DMRT2: variants seen among roughly 807,000 people sequenced by gnomAD.
DMRT2 encodes the protein doublesex and mab-3 related transcription factor 2, also known as doublesex- and mab-3-related transcription factor 2.
Under a neutral mutation model 43.5 loss-of-function variants are expected in DMRT2, and 33 were observed. The ratio of observed to expected loss-of-function variants is 0.76; its 90% CI spans 0.58 to 1.01. The LOEUF (loss-of-function observed/expected upper bound fraction) is 1.01, where lower values mean the gene tolerates loss of function less well. Ranked by LOEUF, DMRT2 falls within the 50% of genes least tolerant of loss-of-function variation. The pLI is 0.00. For missense variants in DMRT2, 1,064 were observed against 748.0 expected (o/e 1.42, Z -4.93); for synonymous variants, 395 against 309.2 (o/e 1.28, Z -2.91).
In DMRT2 at chr9:1,056,849, A is replaced by C; in HGVS notation, c.1262A>C (p.Gln421Pro). The change falls in exon 4 of 4, where the codon CAG becomes CCG. Residue 421 changes from glutamine (Q) to proline (P), a missense_variant. Physicochemically the swap from Gln to Pro is moderately conservative, Grantham distance 76 (BLOSUM62 -1). Transcript: ENST00000358146. ...ACGAGAAGTGACCTTCAGGGTCATCAGGCTGTCCCAGAGAGGTCCGCGTTC... is the reference window on the plus strand; with the variant it reads ...ACGAGAAGTGACCTTCAGGGTCATCCGGCTGTCCCAGAGAGGTCCGCGTTC... ...QTTRSDLQGH[Q>P]AVPERSAFSP... The C allele has an allele frequency of 6.2e-7, 1 of 1,614,172 alleles. No homozygotes were observed. Among genetic ancestry groups the C allele is most frequent in the Middle Eastern group, 1.6e-4 (1 of 6,062 alleles).
In DMRT2 at chr9:1,051,278, A is replaced by G. The variant is rs536275722; in HGVS notation, c.-44-292A>G. ...TTTGTGTGTGTGTGATAAGTGAGTT[A>G]CCCAGGGACTTGTCCGGAAAGCCCG... On this transcript the variant is annotated intron_variant, in intron 1 of 3. Coordinates refer to ENST00000358146, the MANE Select transcript of DMRT2 (RefSeq NM_181872.6). The surrounding 1 kb of genome is among the most constrained non-coding windows in gnomAD (Gnocchi z 5.9). Among the ~76,000 whole-genome samples the G allele has an allele frequency of 2.0e-5, 3 of 152,294 alleles. No homozygotes were observed. Among genetic ancestry groups the G allele is most frequent in the African/African-American group, 4.8e-5 (2 of 41,560 alleles).
At chr9:1,052,233 G>T (rs1390196721) in intron 2 of DMRT2, 95 bp downstream of exon 2, 9 of 977,748 alleles carry the variant, frequency 9.2e-6, no homozygotes, top group Admixed American at 4.3e-5. Context: ...CGCGCCCAGG[G>T]CCTTGCGGTG....
In DMRT2 at chr9:1,051,893, G is replaced by T; in HGVS notation, c.280G>T (p.Ala94Ser). 1 of 1,369,586 alleles carries T rather than the reference G, an allele frequency of 7.3e-7. No individual in the cohort carries two copies. Among genetic ancestry groups the T allele is most frequent in the Non-Finnish European group, 9.3e-7 (1 of 1,072,504 alleles). 84.8% of individuals were successfully genotyped at this position (1,369,586 alleles called of 1,614,324 possible). The change falls in exon 2 of 4, where the codon GCC becomes TCC. Residue 94 changes from alanine to serine, a missense_variant. By Grantham distance (99) the Ala-to-Ser change is moderately conservative. Coordinates refer to ENST00000358146, the MANE Select transcript of DMRT2 (RefSeq NM_181872.6). This position sits in a 1 kb window ranked among gnomAD's most constrained non-coding sequence, Gnocchi z 5.9. ...GCCGAGGCCGCCGCTCGCGCCTCAG[G>T]CCTCACCCGCCGGCACCGGTCCCCG... ...PQPRPPLAPQ[A>S]SPAGTGPRER... is the part of the protein sequence containing the mutation.
intron 2 of DMRT2, 55 bp from the exon 3 acceptor site, chr9:1,053,666 CT>C: frequency 6.8e-7 from 1 of 1,471,292 alleles, no homozygotes; most frequent in African/African-American, 1.4e-5. Flanking sequence ...GTCCTTCCCC[CT>C]TCTCGCCCCC....
chr9:1,054,193 T>A (rs925119778), intron 3 of DMRT2, among the ~76,000 whole-genome samples: 2 of 152,222 alleles, frequency 1.3e-5, no homozygotes, highest in Admixed American at 1.3e-4. Flanking sequence ...ATGAGGGATG[T>A]ACAAAGATAT....
Position 1,056,881 on chromosome 9 carries a change from C to T in DMRT2, c.1294C>T (p.Pro432Ser). ...CCCAGAGAGGTCCGCGTTCTCCCCA[C>T]CCCGACGGAATTTCTCTCCCATTGT... ...AVPERSAFSPPRRNFSPIVDT... is the reference protein window; with the variant it reads ...AVPERSAFSPSRRNFSPIVDT... The change falls in exon 4 of 4, where the codon CCC (proline) becomes TCC (serine). Residue 432 changes from proline (P) to serine (S), a missense_variant. Coordinates refer to ENST00000358146, the MANE Select transcript of DMRT2 (RefSeq NM_181872.6). 6.2e-7 allele frequency: 1 copy of T among 1,614,168 alleles called. No individual in the cohort carries two copies. The highest frequency in any genetic ancestry group is 1.3e-5 in the African/African-American group (1 of 75,038).
rs149054600 is a variant in DMRT2, at chr9:1,056,825, C to T, written c.1238C>T (p.Thr413Met). The change falls in exon 4 of 4, where the codon ACG becomes ATG. Residue 413 changes from threonine (T) to methionine (M), a missense_variant. Thr to Met is a moderately conservative substitution (Grantham distance 81). Transcript: ENST00000358146. The stretch of plus-strand genomic sequence containing the variant: ...CCTCACACTCCTGAGATCCAGACCA[C>T]GAGAAGTGACCTTCAGGGTCATCAG... ...VLPHTPEIQT[T>M]RSDLQGHQAV... 2,581 of 1,614,122 alleles carry T rather than the reference C, an allele frequency of 1.6e-3. 2 individuals carry two copies. Among genetic ancestry groups the T allele is most frequent in the Non-Finnish European group, 2.0e-3 (2,376 of 1,180,036 alleles).
chr9:1,056,785 G>T lies in DMRT2; in HGVS notation c.1198G>T (p.Gly400Cys). Reference protein sequence around the residue: ...EQDMMPSKLEGSLVLPHTPEI... With the variant: ...EQDMMPSKLECSLVLPHTPEI... ...GGACATGATGCCATCGAAATTGGAAGGTTCCCTGGTGCTGCCTCACACTCC... is the reference window on the plus strand; with the variant it reads ...GGACATGATGCCATCGAAATTGGAATGTTCCCTGGTGCTGCCTCACACTCC... The change falls in exon 4 of 4, where the codon GGT becomes TGT. Residue 400 changes from glycine to cysteine, a missense_variant. Coordinates refer to ENST00000358146, the MANE Select transcript of DMRT2 (RefSeq NM_181872.6). 1 of 1,614,120 alleles carries T rather than the reference G, an allele frequency of 6.2e-7. No individual in the cohort carries two copies. Among genetic ancestry groups the T allele is most frequent in the Non-Finnish European group, 8.5e-7 (1 of 1,180,026 alleles).
rs889566442 is a variant in DMRT2 at position 1,050,440 on chromosome 9, C to G, written c.-380C>G. The G allele has an allele frequency of 1.3e-5, 2 of 152,216 alleles. No individual in the cohort carries two copies. The highest frequency in any genetic ancestry group is 2.9e-5 in the Non-Finnish European group (2 of 68,040). The allele number at this position is 152,216 out of a possible 1,614,324, so 9.4% of individuals were successfully genotyped here. ...CAGGCGGGGGCGGCCCGACCTTTCC[C>G]GCCCAGCCTGGGTCAGAGGAAGCCG... On this transcript the variant is annotated 5_prime_UTR_variant, in exon 1 of 4. Transcript: ENST00000358146.
chr9:1,055,577 C>T, intron 3 of DMRT2: 1 of 656,372 alleles, frequency 1.5e-6, no homozygotes, highest in Non-Finnish European at 2.2e-6. Context: ...GGGGAAGGGG[C>T]CTGGTTAAAT....
At position 1,051,592 on chromosome 9, in the gene DMRT2, C is replaced by A. The variant is rs944124937; in HGVS notation, c.-22C>A. 3 of 1,514,782 alleles carry A rather than the reference C, an allele frequency of 2.0e-6. No homozygotes were observed. The highest frequency in any genetic ancestry group is 2.6e-6 in the Non-Finnish European group (3 of 1,141,450). 93.8% of individuals were successfully genotyped at this position (1,514,782 alleles called of 1,614,324 possible). ...CAGAGTGAGGGCCGCCAGGCTCAGG[C>A]CCCAGCGAAGCCCCGAGCGCCATGG... is the stretch of plus-strand genomic sequence containing the variant. On this transcript the variant is annotated 5_prime_UTR_variant, in exon 2 of 4. Transcript: ENST00000358146. The surrounding 1 kb of genome is among the most constrained non-coding windows in gnomAD (Gnocchi z 5.9).
rs775882642 is a variant in DMRT2 at position 1,051,791 on chromosome 9, G to T, written c.178G>T (p.Glu60Ter). Residue 60 changes from glutamate to a stop codon, truncating the protein, a stop_gained, in exon 2 of 4, where the codon GAA (glutamate) becomes TAA (stop). Coordinates refer to ENST00000358146, the MANE Select transcript of DMRT2 (RefSeq NM_181872.6). LOFTEE classifies it high-confidence loss of function. This position sits in a 1 kb window ranked among gnomAD's most constrained non-coding sequence, Gnocchi z 5.9. ...TGACGACGGGGTGGACGAAGACGCG[G>T]AAGAAGAGGGCGACGGCGAGGAGGC... is the stretch of plus-strand genomic sequence containing the variant. ...EDDDGVDEDA[E>*]EEGDGEEAGA... is the part of the protein sequence containing the mutation. 1.3e-6 allele frequency: 2 copies of T among 1,509,042 alleles called. No homozygotes were observed. The highest frequency in any genetic ancestry group is 1.8e-6 in the Non-Finnish European group (2 of 1,132,036). 93.5% of individuals were successfully genotyped at this position (1,509,042 alleles called of 1,614,324 possible).
rs1232421652 is a variant in DMRT2 at position 1,051,762 on chromosome 9, A to C, written c.149A>C (p.Glu50Ala). ...PPADGDCEDD[E>A]DDDGVDEDAE... ...GCGGACGGGGACTGCGAGGACGACG[A>C]AGATGACGACGGGGTGGACGAAGAC... The change falls in exon 2 of 4, where the codon GAA (glutamate) becomes GCA (alanine). Residue 50 changes from glutamate to alanine, a missense_variant. By Grantham distance (107) the Glu-to-Ala change is moderately radical. Transcript: ENST00000358146. The surrounding 1 kb of genome is among the most constrained non-coding windows in gnomAD (Gnocchi z 5.9). 2 of 1,526,956 alleles carry C rather than the reference A, an allele frequency of 1.3e-6. No homozygotes were observed. Among genetic ancestry groups the C allele is most frequent in the Non-Finnish European group, 1.8e-6 (2 of 1,139,834 alleles). The allele number at this position is 1,526,956 out of a possible 1,614,324, so 94.6% of individuals were successfully genotyped here. A position where few individuals can be genotyped will look rare whatever the true frequency, so the allele number is the denominator to read the frequency against.
chr9:1,051,154 CTG>C lies in DMRT2; in HGVS notation c.-45+381_-45+382del, dbSNP rs1314633853. Among the ~76,000 whole-genome samples the C allele has an allele frequency of 1.3e-5, 2 of 152,142 alleles. No individual in the cohort carries two copies. The highest frequency in any genetic ancestry group is 6.5e-5 in the Admixed American group (1 of 15,282). The stretch of plus-strand genomic sequence containing the variant: ...AGGGCCACTTGTAATCAAAGGAAAA[CTG>C]TTCTTCCACGGATAGTTTTATATGC... On this transcript the variant is annotated intron_variant, in intron 1 of 3. Coordinates refer to ENST00000358146, the MANE Select transcript of DMRT2 (RefSeq NM_181872.6). The surrounding 1 kb of genome is among the most constrained non-coding windows in gnomAD (Gnocchi z 5.9).
At chr9:1,054,884 T>C (rs1281734800) in intron 3 of DMRT2, among the ~76,000 whole-genome samples, 2 of 151,932 alleles carry the variant, frequency 1.3e-5, no homozygotes, top group Non-Finnish European at 2.9e-5. Context: ...GTGTGTCCTA[T>C]AAAAATTTTT....
intron 2 of DMRT2, among the ~76,000 whole-genome samples, chr9:1,052,808 G>T (rs914399883): frequency 6.6e-6 from 1 of 152,152 alleles, no homozygotes; most frequent in South Asian, 2.1e-4. Context: ...TTGAACCTTC[G>T]ATTTTGTATT....
Position 1,050,646 on chromosome 9 carries a change from C to G in DMRT2, c.-174C>G, listed in dbSNP as rs936159923. The stretch of plus-strand genomic sequence containing the variant: ...GGGTTCGTTCCGGGCCTCCAGCTAT[C>G]AGCTCCCGATCTCGTGTTTGAGGGT... On this transcript the variant is annotated 5_prime_UTR_variant, in exon 1 of 4. It adds an upstream start codon to the 5' untranslated region. Coordinates refer to ENST00000358146, the MANE Select transcript of DMRT2 (RefSeq NM_181872.6). The G allele has an allele frequency of 2.0e-5, 3 of 152,530 alleles. No homozygotes were observed. The highest frequency in any genetic ancestry group is 7.2e-5 in the African/African-American group (3 of 41,456). The allele number at this position is 152,530 out of a possible 1,614,324, so 9.4% of individuals were successfully genotyped here.
intron 3 of DMRT2, chr9:1,055,823 G>A (rs764399352): frequency 4.6e-6 from 7 of 1,513,946 alleles, no homozygotes; most frequent in Non-Finnish European, 5.3e-6. Flanking sequence ...TTTTAATAAT[G>A]AAAAAAGATG....
rs1186970700 is a variant in DMRT2, at chr9:1,057,123, G to T, written c.1536G>T (p.Gln512His). 1.9e-6 allele frequency: 3 copies of T among 1,614,056 alleles called. No homozygotes were observed. The highest frequency in any genetic ancestry group is 2.5e-6 in the Non-Finnish European group (3 of 1,180,044). Residue 512 changes from glutamine to histidine, a missense_variant, in exon 4 of 4, where the codon CAG becomes CAT. Physicochemically the swap from Gln to His is conservative, Grantham distance 24 (BLOSUM62 0). Transcript: ENST00000358146. Reference sequence around the variant, plus strand: ...GAGAGTGTTTAGTTAAGGACAACCAGAAGTACACATTTACAATAGATAGAT... The same window carrying T: ...GAGAGTGTTTAGTTAAGGACAACCATAAGTACACATTTACAATAGATAGAT... ...KHRECLVKDN[Q>H]KYTFTIDRCA...
Sources: allele counts gnomAD v4.1 joint callset (sites outside exome capture counted in the v4.1 genomes callset), GRCh38; gene constraint gnomAD v4.1.1; non-coding constraint Gnocchi (gnomAD v3.1); transcripts MANE v1.5; gene names NCBI Gene and HGNC (gene_info 2026-07-23, HGNC 2026-07-21).